Variants in ELMO1 observed in about 807,000 individuals in gnomAD.
The protein encoded by ELMO1 is engulfment and cell motility 1.
Under a neutral mutation model 98.9 loss-of-function variants are expected in ELMO1, and 26 were observed. The ratio of observed to expected loss-of-function variants is 0.26; its 90% CI spans 0.19 to 0.36. The LOEUF (loss-of-function observed/expected upper bound fraction) is 0.36, where lower values mean the gene tolerates loss of function less well. Among genes scored for constraint, ELMO1 ranks in the 10% least tolerant of loss-of-function variants. The pLI is 1.00. For missense variants in ELMO1, 627 were observed against 935.2 expected, an observed-to-expected ratio of 0.67 and a Z score of 4.30; for synonymous variants, 346 against 346.0, an observed-to-expected ratio of 1.00 and a Z score of 0.00.
intron 14 of ELMO1, among the ~76,000 whole-genome samples, chr7:37,099,746 A>G (rs890393103): frequency 2.0e-5 from 3 of 152,126 alleles, no homozygotes; most frequent in African/African-American, 4.8e-5. Flanking sequence ...TAAAGTAGGT[A>G]TTATTAGTCT....
At chr7:36,859,404 A>G (rs542891713) in intron 21 of ELMO1, among the ~76,000 whole-genome samples, 1 of 152,318 alleles carries the variant, frequency 6.6e-6, no homozygotes, top group East Asian at 1.9e-4. Context: ...GCTTCAAAAT[A>G]ATCAGGGGTG....
chr7:37,059,296 A>C (rs1796546670), intron 15 of ELMO1, among the ~76,000 whole-genome samples: 1 of 152,186 alleles, frequency 6.6e-6, no homozygotes, highest in Non-Finnish European at 1.5e-5. Context: ...AGTGCTTGTC[A>C]AGAGTGGAAG....
intron 1 of ELMO1, among the ~76,000 whole-genome samples, chr7:37,405,524 C>G (rs1437736598): frequency 6.6e-6 from 1 of 152,184 alleles, no homozygotes; most frequent in Non-Finnish European, 1.5e-5. Flanking sequence ...CACAGAATCG[C>G]AAATGTTATC....
At chr7:37,255,128 CAT>C (rs1295545511) in intron 6 of ELMO1, among the ~76,000 whole-genome samples, 8 of 152,174 alleles carry the variant, frequency 5.3e-5, no homozygotes, top group African/African-American at 1.9e-4. Context: ...TCATAATTCA[CAT>C]GTTTAAGCCC....
At chr7:37,115,359 C>G (rs1440665535) in intron 14 of ELMO1, among the ~76,000 whole-genome samples, 1 of 152,070 alleles carries the variant, frequency 6.6e-6, no homozygotes, top group Admixed American at 6.6e-5. Context: ...ACAAAATTAT[C>G]AAATAGAATC....
intron 6 of ELMO1, among the ~76,000 whole-genome samples, chr7:37,249,003 G>A (rs1413983281): frequency 1.3e-5 from 2 of 152,152 alleles, no homozygotes; most frequent in South Asian, 2.1e-4. Context: ...CTCCTCTTAC[G>A]TCTCACATGC....
chr7:36,912,608 G>A (rs1479838526), intron 16 of ELMO1, among the ~76,000 whole-genome samples: 1 of 152,138 alleles, frequency 6.6e-6, no homozygotes, highest in Non-Finnish European at 1.5e-5. Flanking sequence ...GGAGGAAAGA[G>A]ATCAATGAAG....
At chr7:37,392,408 A>G (rs760108078) in intron 1 of ELMO1, among the ~76,000 whole-genome samples, 1 of 152,238 alleles carries the variant, frequency 6.6e-6, no homozygotes, top group African/African-American at 2.4e-5. Context: ...GCCATTCGAG[A>G]GTCCATGGGG....
intron 2 of ELMO1, among the ~76,000 whole-genome samples, chr7:37,337,522 A>G (rs1382498368): frequency 4.6e-5 from 5 of 109,250 alleles, no homozygotes; most frequent in Non-Finnish European, 9.2e-5. Flanking sequence ...AACTTAAAGT[A>G]TAAAAAAAAA....
chr7:37,305,505 T>A (rs1358859532), intron 4 of ELMO1, among the ~76,000 whole-genome samples: 1 of 152,090 alleles, frequency 6.6e-6, no homozygotes, highest in Non-Finnish European at 1.5e-5. Flanking sequence ...AATTAATCAG[T>A]TGTTGCAGAC....
chr7:37,195,470 G>A (rs549863496), intron 13 of ELMO1, among the ~76,000 whole-genome samples: 22 of 152,322 alleles, frequency 1.4e-4, no homozygotes, highest in African/African-American at 4.6e-4. Context: ...CCGATGGGAC[G>A]CCATTCTACA....
At chr7:37,205,213 T>TG (rs1563076266) in intron 13 of ELMO1, among the ~76,000 whole-genome samples, 1 of 152,232 alleles carries the variant, frequency 6.6e-6, no homozygotes, top group Non-Finnish European at 1.5e-5. Flanking sequence ...TATAGTAGAC[T>TG]CTTCTTATTT....
chr7:37,110,879 T>A (rs1785214961), intron 14 of ELMO1, among the ~76,000 whole-genome samples: 1 of 152,206 alleles, frequency 6.6e-6, no homozygotes. Context: ...CTTGCATGGC[T>A]GGGTATGGTG....
At chr7:37,179,825 G>A (rs1457364335) in intron 13 of ELMO1, among the ~76,000 whole-genome samples, 4 of 152,168 alleles carry the variant, frequency 2.6e-5, no homozygotes, top group African/African-American at 7.2e-5. Context: ...TCAAGGTAGC[G>A]AGGTGCTTTT....
chr7:37,299,293 G>A (rs1318248571), intron 4 of ELMO1, among the ~76,000 whole-genome samples: 1 of 151,852 alleles, frequency 6.6e-6, no homozygotes, highest in Non-Finnish European at 1.5e-5. Context: ...TTGCTGTGCA[G>A]AAGCTCTTTA....
At chr7:37,339,037 G>A (rs1483291380) in intron 2 of ELMO1, among the ~76,000 whole-genome samples, 1 of 152,180 alleles carries the variant, frequency 6.6e-6, no homozygotes, top group African/African-American at 2.4e-5. Flanking sequence ...TCACTACTCA[G>A]GAAGCACCGC....
At chr7:37,057,682 T>C (rs1050009400) in intron 15 of ELMO1, among the ~76,000 whole-genome samples, 2 of 152,202 alleles carry the variant, frequency 1.3e-5, no homozygotes, top group Non-Finnish European at 1.5e-5. Flanking sequence ...AACGCAGATG[T>C]GTGCATGTGC....
chr7:37,147,805 G>A (rs914380089), intron 13 of ELMO1, among the ~76,000 whole-genome samples: 1 of 150,374 alleles, frequency 6.7e-6, no homozygotes, highest in African/African-American at 2.5e-5. Flanking sequence ...AGATATATCA[G>A]AGGAGAGAGG....
At position 37,228,461 on chromosome 7, in the gene ELMO1, A is replaced by G. The variant is rs1220941259; in HGVS notation, c.550-3431T>C. 2.0e-5 allele frequency among the ~76,000 whole-genome samples: 3 copies of G among 152,228 alleles called. No homozygotes were observed. The East Asian group carries it at 5.8e-4, about 29-fold the overall frequency. On this transcript the variant is annotated intron_variant, in intron 8 of 21. Transcript: ENST00000310758. ...AAGTGAGCCAACCCAAGCCAGCCAC[A>G]GTACAGCTTCTCGAAAGTAGGCCTG...
Sources: allele counts gnomAD v4.1 joint callset (sites outside exome capture counted in the v4.1 genomes callset), GRCh38; gene constraint gnomAD v4.1.1; transcripts MANE v1.5; gene names NCBI Gene and HGNC (gene_info 2026-07-23, HGNC 2026-07-21).